The following GRID1 variants were observed in gnomAD, a reference collection of about 807,000 sequenced individuals.
GRID1 encodes the protein glutamate receptor ionotropic, delta-1.
A neutral mutation model predicts 98.0 loss-of-function variants in GRID1; 28 were observed. The ratio of observed to expected loss-of-function variants is 0.29; its 90% confidence interval spans 0.21 to 0.39. The LOEUF (loss-of-function observed/expected upper bound fraction) is 0.39. Ranked by LOEUF, GRID1 falls within the 10% of genes least tolerant of loss-of-function variation. The pLI is 1.00. For missense variants in GRID1, 1,111 were observed against 1,340.5 expected (o/e 0.83, Z 2.67); for synonymous variants, 553 against 538.5 (o/e 1.03, Z -0.37).
At chr10:85,742,170 G>A (rs138870076) in intron 8 of GRID1, among the ~76,000 whole-genome samples, 224 of 152,298 alleles carry the variant, frequency 1.5e-3, no homozygotes, top group African/African-American at 5.1e-3. Context: ...TTTCTGGCAC[G>A]TGGCATGCAC....
chr10:86,305,941 T>C lies in GRID1; in HGVS notation c.235+58000A>G, dbSNP rs891352710. ...TTTCTGAAGACCTTGATACAAGACATTTACAAATGCACATTCCTATGTTCC... is the reference window on the plus strand; with the variant it reads ...TTTCTGAAGACCTTGATACAAGACACTTACAAATGCACATTCCTATGTTCC... On this transcript the variant is annotated intron_variant, in intron 2 of 15. Transcript: ENST00000327946. Among the ~76,000 whole-genome samples the C allele has an allele frequency of 2.0e-5, 3 of 152,314 alleles. No individual in the cohort carries two copies. The South Asian group carries it at 6.2e-4, about 32-fold the overall frequency.
At chr10:86,129,902 G>A (rs1844808366) in intron 4 of GRID1, among the ~76,000 whole-genome samples, 1 of 152,232 alleles carries the variant, frequency 6.6e-6, no homozygotes, top group South Asian at 2.1e-4. Flanking sequence ...CTCTGGACAA[G>A]AGATTGCAGT....
chr10:85,770,512 C>T (rs191407720), intron 8 of GRID1, among the ~76,000 whole-genome samples: 27 of 152,102 alleles, frequency 1.8e-4, no homozygotes, highest in Admixed American at 3.3e-4. Flanking sequence ...AGGCTTCAGA[C>T]GATCAAACTA....
intron 8 of GRID1, among the ~76,000 whole-genome samples, chr10:85,813,494 T>G (rs1050904792): frequency 6.6e-6 from 1 of 150,924 alleles, no homozygotes; most frequent in Non-Finnish European, 1.5e-5. Context: ...AACCAGAATT[T>G]TATATCCTAT....
intron 3 of GRID1, among the ~76,000 whole-genome samples, chr10:86,168,371 G>A (rs1262511963): frequency 1.3e-5 from 2 of 152,020 alleles, no homozygotes; most frequent in Admixed American, 1.3e-4. Context: ...CCCAGGCTGG[G>A]AAAAGTGAAA....
intron 3 of GRID1, among the ~76,000 whole-genome samples, chr10:86,191,640 G>A (rs976605073): frequency 6.6e-6 from 1 of 152,086 alleles, no homozygotes; most frequent in Admixed American, 6.5e-5. Context: ...GGCCATGGTT[G>A]GGTCTCCCAC....
rs923371902 is a variant in GRID1 at position 86,099,918 on chromosome 10, G to A, written c.726+38901C>T. ...CAGATAACTGGGAGGGGTATCTGGGGCCAACTTCAGCACCCTCATGGGGCT... is the reference window on the plus strand; with the variant it reads ...CAGATAACTGGGAGGGGTATCTGGGACCAACTTCAGCACCCTCATGGGGCT... On this transcript the variant is annotated intron_variant, in intron 4 of 15. Coordinates refer to ENST00000327946, the MANE Select transcript of GRID1 (RefSeq NM_017551.3). Among the ~76,000 whole-genome samples the A allele has an allele frequency of 2.0e-5, 3 of 152,282 alleles. No individual in the cohort carries two copies. In the South Asian group the frequency reaches 6.2e-4, roughly 32 times the overall value.
At chr10:85,733,235 T>C (rs558107887) in intron 8 of GRID1, among the ~76,000 whole-genome samples, 1 of 152,324 alleles carries the variant, frequency 6.6e-6, no homozygotes, top group African/African-American at 2.4e-5. Context: ...CATAAGTCAG[T>C]GAGTCAGCTG....
chr10:86,100,642 A>G (rs1466091640), intron 4 of GRID1, among the ~76,000 whole-genome samples: 1 of 152,166 alleles, frequency 6.6e-6, no homozygotes, highest in Non-Finnish European at 1.5e-5. Flanking sequence ...GACTGTTTGG[A>G]TTATTGGTAA....
intron 8 of GRID1, among the ~76,000 whole-genome samples, chr10:85,819,893 G>T (rs568738018): frequency 6.6e-6 from 1 of 151,096 alleles, no homozygotes; most frequent in African/African-American, 2.4e-5. Flanking sequence ...TAGCCTGGGC[G>T]AAAAGAGCAA....
intron 2 of GRID1, among the ~76,000 whole-genome samples, chr10:86,326,369 T>C (rs917336098): frequency 3.9e-5 from 6 of 152,172 alleles, no homozygotes; most frequent in African/African-American, 1.4e-4. Context: ...TTGCCAACAG[T>C]AGTGGATGAG....
chr10:86,124,542 C>A (rs1439184123), intron 4 of GRID1, among the ~76,000 whole-genome samples: 1 of 152,166 alleles, frequency 6.6e-6, no homozygotes, highest in African/African-American at 2.4e-5. Flanking sequence ...ACAGTGGTGC[C>A]CCCACGAAAC....
intron 6 of GRID1, among the ~76,000 whole-genome samples, chr10:85,862,800 G>C (rs1843176221): frequency 6.6e-6 from 1 of 152,208 alleles, no homozygotes; most frequent in Non-Finnish European, 1.5e-5. Context: ...AAAATACCTT[G>C]TGGCAGCAGG....
At chr10:86,244,015 T>C (rs915717009) in intron 2 of GRID1, among the ~76,000 whole-genome samples, 18 of 152,312 alleles carry the variant, frequency 1.2e-4, no homozygotes, top group South Asian at 4.1e-4. Flanking sequence ...TATACATACA[T>C]GTATACATGT....
At chr10:86,157,626 C>T (rs1374387527) in intron 3 of GRID1, among the ~76,000 whole-genome samples, 4 of 152,160 alleles carry the variant, frequency 2.6e-5, no homozygotes, top group East Asian at 3.9e-4. Context: ...ACCCCTCCCA[C>T]GGACAGCTTG....
At chr10:85,897,402 G>A (rs920056500) in intron 5 of GRID1, among the ~76,000 whole-genome samples, 1 of 152,198 alleles carries the variant, frequency 6.6e-6, no homozygotes, top group African/African-American at 2.4e-5. Context: ...AAAATGGCCT[G>A]AGCCAGGAAA....
At chr10:85,809,845 G>A (rs1027296127) in intron 8 of GRID1, among the ~76,000 whole-genome samples, 8 of 152,116 alleles carry the variant, frequency 5.3e-5, no homozygotes, top group African/African-American at 1.7e-4. Context: ...GAAAGCAGAG[G>A]ACCTGCAGCA....
intron 4 of GRID1, among the ~76,000 whole-genome samples, chr10:86,005,841 G>A (rs1842854396): frequency 6.6e-6 from 1 of 152,088 alleles, no homozygotes; most frequent in Non-Finnish European, 1.5e-5. Context: ...GGCCCTATCT[G>A]GTCTCTGAAA....
intron 5 of GRID1, among the ~76,000 whole-genome samples, chr10:85,898,271 T>C (rs1374918880): frequency 6.6e-6 from 1 of 152,158 alleles, no homozygotes; most frequent in Non-Finnish European, 1.5e-5. Flanking sequence ...ACACTTACGA[T>C]GAATGGAGCT....
Sources: allele counts gnomAD v4.1 joint callset (sites outside exome capture counted in the v4.1 genomes callset), GRCh38; gene constraint gnomAD v4.1.1; transcripts MANE v1.5; gene names NCBI Gene and HGNC (gene_info 2026-07-23, HGNC 2026-07-21).